Variants in MED12L observed in about 807,000 individuals in gnomAD.
MED12L encodes mediator complex subunit 12L.
Under a neutral mutation model 281.3 loss-of-function variants are expected in MED12L, and 60 were observed. That is an observed-to-expected ratio of 0.21 (90% confidence interval 0.17 to 0.26). MED12L has a LOEUF of 0.26. Among genes scored for constraint, MED12L ranks in the 10% least tolerant of loss-of-function variants. MED12L has a pLI of 1.00. For synonymous variants in MED12L, 974 were observed against 987.2 expected, an observed-to-expected ratio of 0.99 and a Z score of 0.25; for missense variants, 2,146 against 2,680.9, an observed-to-expected ratio of 0.80 and a Z score of 4.41.
rs1251237433 is a variant in MED12L, at chr3:151,416,784, C to A, written c.6408+362C>A. 2.0e-5 allele frequency among the ~76,000 whole-genome samples: 3 copies of A among 152,170 alleles called. No homozygotes were observed. The South Asian group carries it at 6.2e-4, about 32-fold the overall frequency. On this transcript the variant is annotated intron_variant, in intron 43 of 44. Transcript: ENST00000687756. Reference sequence around the variant, plus strand: ...ACCATACTTTGATTTTTACTATAATCTCAAAAACCATGGGCGCACTTTCTA... The same window carrying A: ...ACCATACTTTGATTTTTACTATAATATCAAAAACCATGGGCGCACTTTCTA...
chr3:151,321,516 T>A (rs546586692), intron 16 of MED12L, among the ~76,000 whole-genome samples: 52 of 152,232 alleles, frequency 3.4e-4, no homozygotes, highest in Admixed American at 9.2e-4. Context: ...ATATTTTTTT[T>A]AAAAAACCCA....
intron 21 of MED12L, 91 bp downstream of exon 21, chr3:151,360,696 A>C: frequency 8.2e-7 from 1 of 1,214,904 alleles, no homozygotes; most frequent in Non-Finnish European, 1.2e-6. Context: ...TGAATAATGA[A>C]AGCTAATTGC....
intron 43 of MED12L, among the ~76,000 whole-genome samples, chr3:151,416,801 C>T (rs1339318632): frequency 6.6e-6 from 1 of 152,184 alleles, no homozygotes; most frequent in African/African-American, 2.4e-5. Flanking sequence ...ACCATGGGCG[C>T]ACTTTCTAAA....
chr3:151,403,702 A>T (rs1715968975), intron 39 of MED12L, among the ~76,000 whole-genome samples: 1 of 152,198 alleles, frequency 6.6e-6, no homozygotes, highest in Admixed American at 6.5e-5. Flanking sequence ...GCATTAGAAT[A>T]AAAAAGAGCA....
chr3:151,120,449 G>GT (rs770293342), intron 3 of MED12L, among the ~76,000 whole-genome samples: 1 of 152,140 alleles, frequency 6.6e-6, no homozygotes, highest in Non-Finnish European at 1.5e-5. Context: ...AGTGTGATTC[G>GT]TAATAGCAAC....
At chr3:151,132,584 G>A (rs1275559559) in intron 5 of MED12L, among the ~76,000 whole-genome samples, 2 of 152,114 alleles carry the variant, frequency 1.3e-5, no homozygotes, top group African/African-American at 2.4e-5. Flanking sequence ...GATGATTTGG[G>A]TAAGGTGGTG....
At position 151,117,098 on chromosome 3, in the gene MED12L, C is replaced by T. The variant is rs912311698; in HGVS notation, c.204+656C>T. Among the ~76,000 whole-genome samples the T allele has an allele frequency of 1.1e-4, 16 of 152,148 alleles. 1 individual carries two copies. The highest frequency in any genetic ancestry group is 4.1e-4 in the South Asian group (2 of 4,828). ...ATGCAGGTTTTCTAATTATTCCATA[C>T]GCATGTTTTACTTGGCATTCTTTTA... On this transcript the variant is annotated intron_variant, in intron 3 of 44. Transcript: ENST00000687756.
chr3:151,245,522 A>G lies in MED12L; in HGVS notation c.2250+51856A>G, dbSNP rs1159737173. On this transcript the variant is annotated intron_variant, in intron 16 of 44. Coordinates refer to ENST00000687756, the MANE Select transcript of MED12L (RefSeq NM_001393769.1). Reference sequence around the variant, plus strand: ...AAACAGAGCCAAAGACAAAAACCACATGATTATCTCAATAGATGCAGAAAA... The same window carrying G: ...AAACAGAGCCAAAGACAAAAACCACGTGATTATCTCAATAGATGCAGAAAA... 1.4e-4 allele frequency among the ~76,000 whole-genome samples: 21 copies of G among 145,802 alleles called. No individual in the cohort carries two copies. In the East Asian group the frequency reaches 3.8e-3, roughly 27 times the overall value.
intron 43 of MED12L, 98 bp downstream of exon 43, chr3:151,416,520 T>TA: frequency 1.5e-6 from 2 of 1,312,418 alleles, no homozygotes; most frequent in Non-Finnish European, 2.1e-6. Context: ...CGACAAAGCC[T>TA]AAGTATACCC....
intron 5 of MED12L, among the ~76,000 whole-genome samples, chr3:151,137,757 A>G (rs1305353799): frequency 1.3e-5 from 2 of 152,312 alleles, no homozygotes; most frequent in Non-Finnish European, 1.5e-5. Context: ...TCTTGCTACA[A>G]ACATATTGGC....
chr3:151,169,660 T>C (rs1053636257), intron 11 of MED12L, among the ~76,000 whole-genome samples: 2 of 152,198 alleles, frequency 1.3e-5, no homozygotes, highest in African/African-American at 4.8e-5. Flanking sequence ...ACAATAATAA[T>C]ATAGCAATTA....
chr3:151,309,326 G>C (rs186075868), intron 16 of MED12L, among the ~76,000 whole-genome samples: 1 of 152,242 alleles, frequency 6.6e-6, no homozygotes, highest in Middle Eastern at 3.4e-3. Flanking sequence ...ATAGTAACCT[G>C]TATATTTGTA....
chr3:151,211,071 C>T (rs1727083989), intron 16 of MED12L, among the ~76,000 whole-genome samples: 1 of 152,228 alleles, frequency 6.6e-6, no homozygotes, highest in South Asian at 2.1e-4. Context: ...TGCTGGTGCT[C>T]TGCCACTTGG....
chr3:151,151,693 C>T (rs776574192), intron 5 of MED12L, among the ~76,000 whole-genome samples: 3 of 152,070 alleles, frequency 2.0e-5, no homozygotes, highest in Non-Finnish European at 4.4e-5. Flanking sequence ...GGGAATGGTT[C>T]GTGGCACCTC....
At position 151,283,038 on chromosome 3, in the gene MED12L, A is replaced by G. The variant is rs995996603; in HGVS notation, c.2251-67021A>G. ...AACCTCTTGCAATGAATGACAGGAC[A>G]TGGGACTTCATTGGCAATTGTGCAC... On this transcript the variant is annotated intron_variant, in intron 16 of 44. Transcript: ENST00000687756. Among the ~76,000 whole-genome samples the G allele has an allele frequency of 4.6e-5, 7 of 152,240 alleles. No homozygotes were observed. The East Asian group carries it at 9.6e-4, about 21-fold the overall frequency.
At chr3:151,158,833 TA>T (rs769792371) in intron 7 of MED12L, 34 bp downstream of exon 7, 2 of 1,378,484 alleles carry the variant, frequency 1.5e-6, no homozygotes, top group Middle Eastern at 1.8e-4. Context: ...CAGTTGGTTT[TA>T]TGGGCAAGAA....
At chr3:151,397,996 C>G (rs954238495) in intron 39 of MED12L, among the ~76,000 whole-genome samples, 9 of 152,148 alleles carry the variant, frequency 5.9e-5, no homozygotes, top group African/African-American at 1.9e-4. Flanking sequence ...CACTGGTTAC[C>G]CCCTTTTCTT....
At chr3:151,289,012 C>A (rs923904751) in intron 16 of MED12L, among the ~76,000 whole-genome samples, 2 of 152,016 alleles carry the variant, frequency 1.3e-5, no homozygotes, top group African/African-American at 4.8e-5. Context: ...ATAATAAACT[C>A]CATGACATTT....
At chr3:151,145,587 C>G (rs976250190) in intron 5 of MED12L, among the ~76,000 whole-genome samples, 6 of 152,092 alleles carry the variant, frequency 3.9e-5, no homozygotes, top group Non-Finnish European at 8.8e-5. Context: ...ATGCTGGTTG[C>G]GATATTGTAC....
Sources: gnomAD v4.1 joint callset for allele counts (sites outside exome capture counted in the v4.1 genomes callset) on GRCh38, gnomAD v4.1.1 for gene constraint, MANE v1.5 for transcripts, NCBI Gene and HGNC (gene_info 2026-07-23, HGNC 2026-07-21) for gene names.